Variants in SORCS3 observed in about 807,000 individuals in gnomAD.
The protein encoded by SORCS3 is sortilin related VPS10 domain containing receptor 3.
Under a neutral mutation model 146.3 loss-of-function variants are expected in SORCS3, and 57 were observed. The observed-to-expected ratio is 0.39, with a 90% CI of 0.31 to 0.49. SORCS3 has a LOEUF of 0.49. Among genes scored for constraint, SORCS3 ranks in the 20% least tolerant of loss-of-function variants. The probability of loss-of-function intolerance (pLI) is 0.92; values close to 1 mark genes in which losing one functional copy is unlikely to be tolerated. For synonymous variants in SORCS3, 653 were observed against 618.5 expected (o/e 1.06, Z -0.83); for missense variants, 1,341 against 1,575.5 (o/e 0.85, Z 2.52).
At chr10:104,922,023 C>G (rs978387664) in intron 3 of SORCS3, among the ~76,000 whole-genome samples, 8 of 152,202 alleles carry the variant, frequency 5.3e-5, no homozygotes, top group South Asian at 2.1e-4. Context: ...GAGATTCTTA[C>G]AGTGAGCAAG....
intron 20 of SORCS3, among the ~76,000 whole-genome samples, chr10:105,234,450 A>G (rs866901510): frequency 1.3e-5 from 2 of 151,200 alleles, no homozygotes; most frequent in South Asian, 4.2e-4. Context: ...ATTCTCAGTT[A>G]TAATTATTTC....
intron 23 of SORCS3, among the ~76,000 whole-genome samples, chr10:105,254,481 A>G (rs1457018078): frequency 6.6e-6 from 1 of 152,172 alleles, no homozygotes; most frequent in Non-Finnish European, 1.5e-5. Context: ...ATAAGCAAAT[A>G]TTACCATCTA....
intron 8 of SORCS3, among the ~76,000 whole-genome samples, chr10:105,143,772 G>A (rs551168246): frequency 1.2e-3 from 180 of 152,188 alleles, no homozygotes; most frequent in Non-Finnish European, 1.9e-3. Flanking sequence ...CATAAATCAC[G>A]TTATCTGAGG....
At chr10:104,892,519 G>C (rs1240822300) in intron 2 of SORCS3, among the ~76,000 whole-genome samples, 1 of 151,992 alleles carries the variant, frequency 6.6e-6, no homozygotes, top group African/African-American at 2.4e-5. Context: ...GTCAGGAGTT[G>C]AAAACCAGCC....
Position 104,798,213 on chromosome 10 carries a change from G to A in SORCS3, c.628-44579G>A, listed in dbSNP as rs1289720183. Among the ~76,000 whole-genome samples, 7 of 152,292 alleles carry A rather than the reference G, an allele frequency of 4.6e-5. No individual in the cohort carries two copies. The East Asian group carries it at 1.4e-3, about 29-fold the overall frequency. Reference sequence around the variant, plus strand: ...GGGAGCTCTAAGGTACAGCTCTGGGGTGCCTGGGTGGTGGTAGGATACATG... The same window carrying A: ...GGGAGCTCTAAGGTACAGCTCTGGGATGCCTGGGTGGTGGTAGGATACATG... On this transcript the variant is annotated intron_variant, in intron 1 of 26. Transcript: ENST00000369701.
intron 2 of SORCS3, among the ~76,000 whole-genome samples, chr10:104,876,750 T>TTCCTTCCTTCCTTACTTCCTTC (rs1296770635): frequency 5.4e-5 from 6 of 111,076 alleles, no homozygotes; most frequent in African/African-American, 2.4e-4. Context: ...TTCCTTCCTT[T>TTCCTTCCTTCCTTACTTCCTTC]CTTTCTTTCT....
chr10:104,921,435 T>C (rs1159980118), intron 3 of SORCS3, among the ~76,000 whole-genome samples: 1 of 151,854 alleles, frequency 6.6e-6, no homozygotes, highest in Non-Finnish European at 1.5e-5. Flanking sequence ...GAGCACACAC[T>C]GGTCTAACAG....
At chr10:104,858,691 G>A (rs186070798) in intron 2 of SORCS3, among the ~76,000 whole-genome samples, 4 of 149,332 alleles carry the variant, frequency 2.7e-5, no homozygotes, top group Middle Eastern at 3.5e-3. Context: ...GTGTGATCTC[G>A]GCTCACTGAA....
At chr10:104,801,608 C>T (rs1397731311) in intron 1 of SORCS3, among the ~76,000 whole-genome samples, 3 of 152,120 alleles carry the variant, frequency 2.0e-5, no homozygotes, top group Non-Finnish European at 4.4e-5. Flanking sequence ...TGATGCATTG[C>T]GGTTCAGTGT....
At position 105,167,270 on chromosome 10, in the gene SORCS3, G is replaced by A; in HGVS notation, c.1822G>A (p.Glu608Lys). Residue 608 changes from glutamate (E) to lysine (K), a missense_variant, in exon 13 of 27, where the codon GAG becomes AAG. Transcript: ENST00000369701. ...GNTWRQIFDE[E>K]YNVWFLDWGG... Reference sequence around the variant, plus strand: ...GTTGTTGTTCCAGATCTTTGATGAAGAGTACAATGTCTGGTTCCTAGACTG... The same window carrying A: ...GTTGTTGTTCCAGATCTTTGATGAAAAGTACAATGTCTGGTTCCTAGACTG... The A allele has an allele frequency of 6.2e-7, 1 of 1,612,504 alleles. No homozygotes were observed. The highest frequency in any genetic ancestry group is 2.2e-5 in the East Asian group (1 of 44,838).
intron 2 of SORCS3, among the ~76,000 whole-genome samples, chr10:104,858,118 G>T (rs1227844428): frequency 6.6e-6 from 1 of 152,056 alleles, no homozygotes; most frequent in Non-Finnish European, 1.5e-5. Flanking sequence ...TTTCTCTTTT[G>T]TGAATATTTA....
intron 1 of SORCS3, among the ~76,000 whole-genome samples, chr10:104,792,977 C>T (rs2017512316): frequency 6.6e-6 from 1 of 152,002 alleles, no homozygotes; most frequent in Non-Finnish European, 1.5e-5. Context: ...TATGGTTGGG[C>T]AAAGAAGGAG....
chr10:104,990,871 C>G (rs1258371967), intron 4 of SORCS3, among the ~76,000 whole-genome samples: 1 of 152,178 alleles, frequency 6.6e-6, no homozygotes, highest in Non-Finnish European at 1.5e-5. Context: ...TTGATTTTAA[C>G]CTCATAAGCC....
At chr10:104,800,815 G>C (rs1404665444) in intron 1 of SORCS3, among the ~76,000 whole-genome samples, 1 of 152,174 alleles carries the variant, frequency 6.6e-6, no homozygotes, top group South Asian at 2.1e-4. Flanking sequence ...GCTAAGAACT[G>C]TTGTGTGAGA....
At chr10:104,803,603 G>A (rs1024718662) in intron 1 of SORCS3, among the ~76,000 whole-genome samples, 1 of 152,140 alleles carries the variant, frequency 6.6e-6, no homozygotes, top group Non-Finnish European at 1.5e-5. Flanking sequence ...CTATAATCCT[G>A]TGTGTTGCCC....
chr10:104,990,091 C>T (rs2054984569), intron 4 of SORCS3, among the ~76,000 whole-genome samples: 1 of 152,154 alleles, frequency 6.6e-6, no homozygotes, highest in East Asian at 1.9e-4. Context: ...TCTCTGAGGC[C>T]TCTGGAGGCT....
intron 5 of SORCS3, among the ~76,000 whole-genome samples, chr10:105,057,769 G>A (rs2055455335): frequency 6.6e-6 from 1 of 152,186 alleles, no homozygotes; most frequent in East Asian, 1.9e-4. Flanking sequence ...AGCTGTCAGT[G>A]TATTGCTTGT....
Position 105,139,621 on chromosome 10 carries a change from C to T in SORCS3, c.1302+135C>T, listed in dbSNP as rs113939207. ...CATTTAGACTCACTCACCACCAAGT[C>T]GTTTGGCCTCCCTTAGTGGTGCACA... On this transcript the variant is annotated intron_variant, in intron 8 of 26. Transcript: ENST00000369701. 3,358 of 634,514 alleles carry T rather than the reference C, an allele frequency of 5.3e-3. 17 individuals carry two copies. The highest frequency in any genetic ancestry group is 0.012 in the South Asian group (563 of 48,898). The allele number at this position is 634,514 out of a possible 1,614,324, so 39.3% of individuals were successfully genotyped here.
At chr10:105,231,865 T>A (rs1052948523) in intron 20 of SORCS3, among the ~76,000 whole-genome samples, 2 of 152,190 alleles carry the variant, frequency 1.3e-5, no homozygotes, top group African/African-American at 4.8e-5. Flanking sequence ...ATAGTGGTTA[T>A]GTAGTATAAT....
Sources: allele counts gnomAD v4.1 joint callset (sites outside exome capture counted in the v4.1 genomes callset), GRCh38; gene constraint gnomAD v4.1.1; transcripts MANE v1.5; gene names NCBI Gene and HGNC (gene_info 2026-07-23, HGNC 2026-07-21).